Variants in MTMR14 observed in about 807,000 individuals in gnomAD.
The protein encoded by MTMR14 is myotubularin related protein 14.
In MTMR14, 48 loss-of-function variants were observed where a neutral mutation model predicts 86.3. The ratio of observed to expected loss-of-function variants is 0.56; its 90% confidence interval spans 0.44 to 0.71. MTMR14 has a LOEUF of 0.71. Among genes scored for constraint, MTMR14 ranks in the 30% least tolerant of loss-of-function variants. MTMR14 has a pLI of 0.00. For synonymous variants in MTMR14, 366 were observed against 326.1 expected, an observed-to-expected ratio of 1.12 and a Z score of -1.32; for missense variants, 780 against 834.6, an observed-to-expected ratio of 0.93 and a Z score of 0.81.
intron 17 of MTMR14, among the ~76,000 whole-genome samples, chr3:9,690,446 C>T (rs561085105): frequency 7.5e-4 from 114 of 152,328 alleles, no homozygotes; most frequent in Non-Finnish European, 1.4e-3. Flanking sequence ...TCCCAGCCTC[C>T]TAGGCGCACC....
At chr3:9,657,199 G>A (rs377080713) in intron 2 of MTMR14, among the ~76,000 whole-genome samples, 33 of 152,236 alleles carry the variant, frequency 2.2e-4, no homozygotes, top group African/African-American at 5.5e-4. Flanking sequence ...GAGAGCCACC[G>A]CACCCAACAG....
rs1284735696 is a variant in MTMR14, at chr3:9,690,031, T to C, written c.1501T>C (p.Leu501=). Reference sequence around the variant, plus strand: ...CCGGCCACAACCCTCAGAGGACCGCTTGCCTTCCCAGCAGGGGCTGGCGGA... The same window carrying C: ...CCGGCCACAACCCTCAGAGGACCGCCTGCCTTCCCAGCAGGGGCTGGCGGA... ...WNRPQPSEDR[L]PSQQGLAEAR... Residue 501 remains leucine (L), a synonymous_variant, in exon 17 of 19, where the codon TTG becomes CTG. Transcript: ENST00000296003. 6.2e-7 allele frequency: 1 copy of C among 1,612,752 alleles called. No individual in the cohort carries two copies. Among genetic ancestry groups the C allele is most frequent in the East Asian group, 2.2e-5 (1 of 44,886 alleles).
At chr3:9,661,802 C>G (rs1205110153) in intron 2 of MTMR14, among the ~76,000 whole-genome samples, 1 of 149,122 alleles carries the variant, frequency 6.7e-6, no homozygotes, top group Non-Finnish European at 1.5e-5. Flanking sequence ...TTTTTTTTTC[C>G]TGAAAAACTT....
chr3:9,660,181 A>G (rs2047841176), intron 2 of MTMR14, among the ~76,000 whole-genome samples: 1 of 151,978 alleles, frequency 6.6e-6, no homozygotes, highest in African/African-American at 2.4e-5. Flanking sequence ...GGGTGAGGGG[A>G]AGGCAGCACA....
rs777526827 is a variant in MTMR14, at chr3:9,688,977, G to C, written c.1328G>C (p.Gly443Ala). Residue 443 changes from glycine (G) to alanine (A), a missense_variant, in exon 16 of 19, where the codon GGC becomes GCC. Gly to Ala is a moderately conservative substitution (Grantham distance 60). Coordinates refer to ENST00000296003, the MANE Select transcript of MTMR14 (RefSeq NM_001077525.3). ...RKDRGSTTSL[G>A]SDFSLVMESS... is the part of the protein sequence containing the mutation. The stretch of plus-strand genomic sequence containing the variant: ...GACCGTGGCAGCACCACCAGCCTTG[G>C]CAGCGACTTCTCCCTGGTCATGGAG... 6.2e-7 allele frequency: 1 copy of C among 1,613,914 alleles called. No homozygotes were observed. The highest frequency in any genetic ancestry group is 8.5e-7 in the Non-Finnish European group (1 of 1,180,052).
At chr3:9,667,068 G>A (rs1451814892) in intron 3 of MTMR14, among the ~76,000 whole-genome samples, 5 of 152,198 alleles carry the variant, frequency 3.3e-5, no homozygotes, top group Non-Finnish European at 1.5e-5. Flanking sequence ...CAATAGAAGG[G>A]ATGTGGAAGA....
intron 1 of MTMR14, among the ~76,000 whole-genome samples, chr3:9,652,357 G>A (rs1375236637): frequency 6.6e-6 from 1 of 152,208 alleles, no homozygotes; most frequent in African/African-American, 2.4e-5. Flanking sequence ...ATTTTAGGGG[G>A]AGCTGTTTCT....
At position 9,649,803 on chromosome 3, in the gene MTMR14, G is replaced by A. The variant is rs576938282; in HGVS notation, c.159+61G>A. 16 of 1,601,840 alleles carry A rather than the reference G, an allele frequency of 1.0e-5. No homozygotes were observed. In the African/African-American group the frequency reaches 1.7e-4, roughly 17 times the overall value. On this transcript the variant is annotated intron_variant, in intron 1 of 18. Transcript: ENST00000296003. ...CTAACTTGGGAAGTTACAGAGGAAA[G>A]GCTGAGGCCAGGGGTCAGAAAAAGG...
At chr3:9,669,351 G>A in intron 4 of MTMR14, 81 bp from the exon 5 acceptor site, 1 of 1,443,276 alleles carries the variant, frequency 6.9e-7, no homozygotes, top group South Asian at 1.2e-5. Flanking sequence ...TGGCACTATG[G>A]GGAAGGAGGC....
intron 14 of MTMR14, 56 bp from the exon 15 acceptor site, chr3:9,688,640 G>T (rs1379760841): frequency 6.2e-6 from 10 of 1,600,318 alleles, no homozygotes; most frequent in Middle Eastern, 1.7e-4. Context: ...GGGAACGGGG[G>T]ACACAATAAG....
chr3:9,695,465 T>A (rs2125379605), intron 17 of MTMR14, among the ~76,000 whole-genome samples: 1 of 152,318 alleles, frequency 6.6e-6, no homozygotes, highest in South Asian at 2.1e-4. Context: ...CCTGCTGCTG[T>A]CTGTGCTGCC....
intron 2 of MTMR14, among the ~76,000 whole-genome samples, chr3:9,658,804 A>G (rs1298441508): frequency 6.6e-6 from 1 of 152,220 alleles, no homozygotes; most frequent in Non-Finnish European, 1.5e-5. Flanking sequence ...GGGGTACATT[A>G]TAGGAACAAG....
At chr3:9,659,087 T>C (rs1426672808) in intron 2 of MTMR14, among the ~76,000 whole-genome samples, 1 of 152,008 alleles carries the variant, frequency 6.6e-6, no homozygotes, top group African/African-American at 2.4e-5. Flanking sequence ...TACAAAGCAT[T>C]AGCCAAGCAT....
Position 9,667,922 on chromosome 3 carries a change from C to T in MTMR14, c.418-797C>T, listed in dbSNP as rs938111571. Among the ~76,000 whole-genome samples, 7 of 152,208 alleles carry T rather than the reference C, an allele frequency of 4.6e-5. 1 individual carries two copies. Among genetic ancestry groups the T allele is most frequent in the Non-Finnish European group, 7.3e-5 (5 of 68,046 alleles). ...CTCCCTGTCTGTCACCTCACAACTT[C>T]GCCATTTCCCATTGTAGTGTAACAG... On this transcript the variant is annotated intron_variant, in intron 3 of 18. Coordinates refer to ENST00000296003, the MANE Select transcript of MTMR14 (RefSeq NM_001077525.3).
chr3:9,653,131 G>A (rs2047399137), intron 1 of MTMR14, among the ~76,000 whole-genome samples: 1 of 152,104 alleles, frequency 6.6e-6, no homozygotes, highest in East Asian at 1.9e-4. Flanking sequence ...CCAGCTACTC[G>A]GGGTGAGACA....
chr3:9,701,377 CA>C lies in MTMR14; in HGVS notation c.1770-411del. The C allele has an allele frequency of 7.0e-6, 2 of 284,334 alleles. No individual in the cohort carries two copies. Among genetic ancestry groups the C allele is most frequent in the South Asian group, 7.2e-5 (2 of 27,914 alleles). 17.6% of individuals were successfully genotyped at this position (284,334 alleles called of 1,614,324 possible). On this transcript the variant is annotated intron_variant, in intron 18 of 18. Coordinates refer to ENST00000296003, the MANE Select transcript of MTMR14 (RefSeq NM_001077525.3). This position sits in a 1 kb window ranked among gnomAD's most constrained non-coding sequence, Gnocchi z 4.2. The stretch of plus-strand genomic sequence containing the variant: ...TCCAGGAGTTTGAGACCAGCCTGGG[CA>C]ACATGGTAAAACCCTATCATGGTGG...
chr3:9,694,925 C>T (rs2076240297), intron 17 of MTMR14, among the ~76,000 whole-genome samples: 1 of 152,188 alleles, frequency 6.6e-6, no homozygotes, highest in Admixed American at 6.5e-5. Flanking sequence ...TGAGCTCCCA[C>T]CCTCCTAGGC....
chr3:9,658,650 G>A (rs1276651940), intron 2 of MTMR14, among the ~76,000 whole-genome samples: 1 of 152,200 alleles, frequency 6.6e-6, no homozygotes, highest in Non-Finnish European at 1.5e-5. Flanking sequence ...TGTGACTTTG[G>A]GCTAGAGATT....
At chr3:9,697,565 C>T in intron 17 of MTMR14, 146 bp from the exon 18 acceptor site, 1 of 940,906 alleles carries the variant, frequency 1.1e-6, no homozygotes, top group Non-Finnish European at 1.6e-6. Context: ...ACTACTTGTC[C>T]AGCTTTTTTT....
Sources: allele counts gnomAD v4.1 joint callset (sites outside exome capture counted in the v4.1 genomes callset), GRCh38; gene constraint gnomAD v4.1.1; non-coding constraint Gnocchi (gnomAD v3.1); transcripts MANE v1.5; gene names NCBI Gene and HGNC (gene_info 2026-07-23, HGNC 2026-07-21).